The following PKD2L2 variants were observed in gnomAD, a reference collection of about 807,000 sequenced individuals.
PKD2L2 encodes polycystin-2-like protein 2.
In PKD2L2, 67 loss-of-function variants were observed where a neutral mutation model predicts 83.9. The ratio of observed to expected loss-of-function variants is 0.80; its 90% CI spans 0.66 to 0.98. PKD2L2 has a LOEUF of 0.98. Ranked by LOEUF, PKD2L2 falls within the 50% of genes least tolerant of loss-of-function variation. The probability of loss-of-function intolerance (pLI) is 0.00; values close to 1 mark genes in which losing one functional copy is unlikely to be tolerated. For missense variants in PKD2L2, 632 were observed against 717.2 expected, an observed-to-expected ratio of 0.88 and a Z score of 1.36; for synonymous variants, 223 against 237.8, an observed-to-expected ratio of 0.94 and a Z score of 0.57.
rs1305701892 is a variant in PKD2L2 at position 137,942,739 on chromosome 5, A to G, written c.*373A>G. On this transcript the variant is annotated 3_prime_UTR_variant, in exon 15 of 15. Transcript: ENST00000508883. ...ATGACAATAAATATTTGCAAATCAC[A>G]CTTGAAAAGCATGTGTCCTTTGATA... is the stretch of plus-strand genomic sequence containing the variant. The G allele has an allele frequency of 6.0e-6, 4 of 662,390 alleles. No homozygotes were observed. In the East Asian group the frequency reaches 1.2e-4, roughly 20 times the overall value. The allele number at this position is 662,390 out of a possible 1,614,324, so 41.0% of individuals were successfully genotyped here. A position where few individuals can be genotyped will look rare whatever the true frequency, so the allele number is the denominator to read the frequency against.
At chr5:137,898,003 G>C (rs530916959) in intron 4 of PKD2L2, among the ~76,000 whole-genome samples, 38 of 150,446 alleles carry the variant, frequency 2.5e-4, no homozygotes, top group Non-Finnish European at 4.3e-4. Flanking sequence ...GTCTCACTCT[G>C]TCACCCAGAC....
At chr5:137,901,144 A>C (rs147771104) in intron 5 of PKD2L2, among the ~76,000 whole-genome samples, 2,439 of 151,974 alleles carry the variant, frequency 0.016, 52 homozygotes, top group African/African-American at 0.054. Flanking sequence ...CTCAAAAAAA[A>C]AAAAAGAAAG....
At chr5:137,917,763 C>T (rs967995688) in intron 8 of PKD2L2, among the ~76,000 whole-genome samples, 9 of 152,154 alleles carry the variant, frequency 5.9e-5, no homozygotes, top group African/African-American at 1.2e-4. Context: ...TCTCAGAGAG[C>T]GTATCTACTA....
intron 8 of PKD2L2, among the ~76,000 whole-genome samples, chr5:137,917,594 T>C (rs1389308104): frequency 6.6e-6 from 1 of 152,178 alleles, no homozygotes; most frequent in Non-Finnish European, 1.5e-5. Flanking sequence ...ATTTTGGTTA[T>C]TATTTTTCCA....
intron 5 of PKD2L2, among the ~76,000 whole-genome samples, chr5:137,905,635 T>C (rs531175172): frequency 2.0e-5 from 3 of 152,292 alleles, no homozygotes; most frequent in East Asian, 3.9e-4. Flanking sequence ...ATATGTAGTG[T>C]TGAATTTAAT....
At chr5:137,892,162 A>G (rs1024623354) in intron 2 of PKD2L2, among the ~76,000 whole-genome samples, 2 of 152,194 alleles carry the variant, frequency 1.3e-5, no homozygotes, top group Non-Finnish European at 2.9e-5. Context: ...TCACCATACT[A>G]TATTGCCTTA....
chr5:137,930,664 TAAAAA>T (rs554720958), intron 12 of PKD2L2, among the ~76,000 whole-genome samples: 1 of 84,694 alleles, frequency 1.2e-5, no homozygotes, highest in African/African-American at 4.5e-5. Context: ...AGACTCCATC[TAAAAA>T]AAAAAAAAAA....
At chr5:137,901,411 GAA>G (rs61675049) in intron 5 of PKD2L2, among the ~76,000 whole-genome samples, 19 of 150,402 alleles carry the variant, frequency 1.3e-4, no homozygotes, top group African/African-American at 2.2e-4. Flanking sequence ...CCCTATTCTG[GAA>G]AAAAAAAAAT....
chr5:137,919,683 T>C (rs1358398095), intron 8 of PKD2L2, among the ~76,000 whole-genome samples: 1 of 152,164 alleles, frequency 6.6e-6, no homozygotes, highest in African/African-American at 2.4e-5. Context: ...TACAAACCAG[T>C]ATTAAAAGCA....
intron 14 of PKD2L2, among the ~76,000 whole-genome samples, chr5:137,937,137 T>C (rs1331043172): frequency 6.6e-6 from 1 of 152,178 alleles, no homozygotes; most frequent in Non-Finnish European, 1.5e-5. Flanking sequence ...TGGCCACAGA[T>C]AAATTAATAA....
intron 6 of PKD2L2, 47 bp downstream of exon 6, chr5:137,906,481 C>T: frequency 1.1e-6 from 1 of 920,204 alleles, no homozygotes; most frequent in Admixed American, 2.4e-5. Flanking sequence ...ACATCTGAAC[C>T]TACCAATGAA....
chr5:137,936,566 C>T, intron 14 of PKD2L2, 139 bp downstream of exon 14: 1 of 565,404 alleles, frequency 1.8e-6, no homozygotes, highest in South Asian at 2.1e-5. Flanking sequence ...AGCGATTCTC[C>T]TGCCTCAGCC....
intron 14 of PKD2L2, 33 bp downstream of exon 14, chr5:137,936,460 C>A: frequency 7.9e-7 from 1 of 1,265,114 alleles, no homozygotes; most frequent in Non-Finnish European, 1.1e-6. Context: ...TTGAGCATTT[C>A]TTTTTTTTTT....
Position 137,894,388 on chromosome 5 carries a change from G to C in PKD2L2, c.303G>C (p.Trp101Cys). The change falls in exon 4 of 15, where the codon TGG becomes TGC. Residue 101 changes from tryptophan (W) to cysteine (C), a missense_variant. Around this residue, in one of 3 missense-constraint regions of PKD2L2, gnomAD observed 229 missense variants for 281.5 expected, o/e 0.81. Transcript: ENST00000508883. ...MEGPLLEGLY[W>C]DSWYNNQQLY... ...GACCCCTTTTGGAAGGTCTGTACTGGGATTCATGGTACAATAACCAGCAGC... is the reference window on the plus strand; with the variant it reads ...GACCCCTTTTGGAAGGTCTGTACTGCGATTCATGGTACAATAACCAGCAGC... 1 of 1,610,348 alleles carries C rather than the reference G, an allele frequency of 6.2e-7. No individual in the cohort carries two copies. The highest frequency in any genetic ancestry group is 8.5e-7 in the Non-Finnish European group (1 of 1,178,924).
intron 14 of PKD2L2, among the ~76,000 whole-genome samples, chr5:137,936,925 C>T (rs1158169696): frequency 6.6e-6 from 1 of 152,196 alleles, no homozygotes; most frequent in Non-Finnish European, 1.5e-5. Flanking sequence ...CTCCAGTATA[C>T]ACACACTGGT....
chr5:137,906,280 A>T lies in PKD2L2; in HGVS notation c.821A>T (p.Tyr274Phe). ...TTTTACTCTGTGAAGCTCCTCAGAT[A>T]TGTTAGCTACTATGACTATTTTATT... is the stretch of plus-strand genomic sequence containing the variant. The part of the protein sequence containing the change: ...WQFYSVKLLR[Y>F]VSYYDYFIAS... The change falls in exon 6 of 15, where the codon TAT (tyrosine) becomes TTT (phenylalanine). Residue 274 changes from tyrosine to phenylalanine, a missense_variant. This residue lies in a region of PKD2L2 where 399 missense variants were observed against 416.9 expected (regional missense o/e 0.96). Coordinates refer to ENST00000508883, the MANE Select transcript of PKD2L2 (RefSeq NM_001300921.2). 6.2e-7 allele frequency: 1 copy of T among 1,612,182 alleles called. No individual in the cohort carries two copies. Among genetic ancestry groups the T allele is most frequent in the Non-Finnish European group, 8.5e-7 (1 of 1,178,298 alleles).
chr5:137,906,395 C>T lies in PKD2L2; in HGVS notation c.936C>T (p.Phe312=). The T allele has an allele frequency of 6.2e-7, 1 of 1,609,644 alleles. No homozygotes were observed. The highest frequency in any genetic ancestry group is 8.5e-7 in the Non-Finnish European group (1 of 1,176,802). Residue 312 remains phenylalanine (F), a synonymous_variant, in exon 6 of 15, where the codon TTC becomes TTT. Coordinates refer to ENST00000508883, the MANE Select transcript of PKD2L2 (RefSeq NM_001300921.2). ...KKIKEFKSAY[F]KSIWNWLELL... ...TAAAAGAATTTAAGTCTGCCTATTT[C>T]AAAAGTATTTGGAACTGGCTAGAAT...
At chr5:137,930,143 G>C (rs547216266) in intron 12 of PKD2L2, among the ~76,000 whole-genome samples, 1 of 151,902 alleles carries the variant, frequency 6.6e-6, no homozygotes, top group Non-Finnish European at 1.5e-5. Context: ...TAAGATGATC[G>C]TACAGTTGTA....
intron 5 of PKD2L2, among the ~76,000 whole-genome samples, chr5:137,901,806 C>A (rs1756982564): frequency 6.6e-6 from 1 of 152,090 alleles, no homozygotes; most frequent in South Asian, 2.1e-4. Context: ...GGAAGAGAAC[C>A]CCAACAGAGA....
Sources: allele counts gnomAD v4.1 joint callset (sites outside exome capture counted in the v4.1 genomes callset), GRCh38; gene constraint gnomAD v4.1.1; regional missense constraint gnomAD v4.1.1; transcripts MANE v1.5; gene names NCBI Gene and HGNC (gene_info 2026-07-23, HGNC 2026-07-21).